The following MNS1 variants were observed in gnomAD, a reference collection of about 807,000 sequenced individuals.
MNS1 encodes meiosis specific nuclear structural 1, also known as meiosis-specific nuclear structural protein 1.
Under a neutral mutation model 72.0 loss-of-function variants are expected in MNS1, and 63 were observed. That is an observed-to-expected ratio of 0.87 (90% CI 0.71 to 1.08). The LOEUF (loss-of-function observed/expected upper bound fraction) is 1.08, where lower values mean the gene tolerates loss of function less well. Among genes scored for constraint, MNS1 ranks in the 50% least tolerant of loss-of-function variants. MNS1 has a pLI of 0.00. For synonymous variants in MNS1, 188 were observed against 172.1 expected, an observed-to-expected ratio of 1.09 and a Z score of -0.72; for missense variants, 604 against 562.4, an observed-to-expected ratio of 1.07 and a Z score of -0.75.
Position 56,444,572 on chromosome 15 carries a change from C to G in MNS1, c.558G>C (p.Gln186His). The change falls in exon 5 of 10, where the codon CAG becomes CAC. Residue 186 changes from glutamine (Q) to histidine (H), a missense_variant. Coordinates refer to ENST00000260453, the MANE Select transcript of MNS1 (RefSeq NM_018365.4). Reference sequence around the variant, plus strand: ...GTTGTTTCTCTAAGTCAAGATAGTACTGTGCTTTCGCTTTGTTTCGTTTGT... The same window carrying G: ...GTTGTTTCTCTAAGTCAAGATAGTAGTGTGCTTTCGCTTTGTTTCGTTTGT... ...AEDKRNKAKAQYYLDLEKQLE... is the reference protein window; with the variant it reads ...AEDKRNKAKAHYYLDLEKQLE... 6.2e-7 allele frequency: 1 copy of G among 1,612,752 alleles called. No homozygotes were observed. Among genetic ancestry groups the G allele is most frequent in the Non-Finnish European group, 8.5e-7 (1 of 1,179,412 alleles).
chr15:56,430,972 C>T (rs2050574739), intron 9 of MNS1, among the ~76,000 whole-genome samples: 1 of 152,054 alleles, frequency 6.6e-6, no homozygotes, highest in South Asian at 2.1e-4. Flanking sequence ...ACCAGCCTGG[C>T]CAACATAGCA....
At chr15:56,460,279 T>C (rs1479623125) in intron 2 of MNS1, among the ~76,000 whole-genome samples, 1 of 151,888 alleles carries the variant, frequency 6.6e-6, no homozygotes, top group Non-Finnish European at 1.5e-5. Context: ...AGGGGTCTTA[T>C]CTCTGGTGTC....
intron 7 of MNS1, among the ~76,000 whole-genome samples, chr15:56,435,847 T>C (rs1424338625): frequency 1.3e-5 from 2 of 151,926 alleles, no homozygotes; most frequent in Non-Finnish European, 2.9e-5. Context: ...GCTACCAATA[T>C]AAAAAATTAC....
At chr15:56,446,767 A>C (rs1464201911) in intron 4 of MNS1, 74 bp downstream of exon 4, 18 of 1,143,564 alleles carry the variant, frequency 1.6e-5, no homozygotes, top group Non-Finnish European at 2.3e-5. Flanking sequence ...ACAATATGAC[A>C]ATTTTTTAAG....
chr15:56,436,296 A>G (rs1344634028), intron 7 of MNS1, among the ~76,000 whole-genome samples: 6 of 152,226 alleles, frequency 3.9e-5, no homozygotes, highest in African/African-American at 1.4e-4. Flanking sequence ...CTCAGGATTA[A>G]GAAACTCACT....
At chr15:56,434,862 T>C (rs948089441) in intron 7 of MNS1, among the ~76,000 whole-genome samples, 3 of 152,096 alleles carry the variant, frequency 2.0e-5, no homozygotes, top group Admixed American at 6.6e-5. Context: ...ATTCCCTTCA[T>C]TCTCCAAAAT....
chr15:56,449,472 T>C (rs1331029139), intron 3 of MNS1, among the ~76,000 whole-genome samples: 4 of 152,216 alleles, frequency 2.6e-5, no homozygotes, highest in African/African-American at 7.2e-5. Flanking sequence ...GGATGATTTA[T>C]CTTTCTTATA....
chr15:56,452,636 AG>A (rs2050955357), intron 3 of MNS1, among the ~76,000 whole-genome samples: 1 of 151,162 alleles, frequency 6.6e-6, no homozygotes, highest in South Asian at 2.1e-4. Context: ...ATCCTGCCTC[AG>A]CCTCCCAAGT....
rs201845147 is a variant in MNS1 at position 56,431,521 on chromosome 15, G to C, written c.1270-23C>G. The C allele has an allele frequency of 5.0e-5, 81 of 1,612,404 alleles. 1 individual carries two copies. Among genetic ancestry groups the C allele is most frequent in the Non-Finnish European group, 8.5e-7 (1 of 1,179,494 alleles). ...TTGCTGGAAATGCAGATCAAATTTT[G>C]TTATCACAAAGTACATTAATCTTAT... On this transcript the variant is annotated intron_variant, in intron 8 of 9. Coordinates refer to ENST00000260453, the MANE Select transcript of MNS1 (RefSeq NM_018365.4).
chr15:56,454,277 T>C (rs770202702), intron 3 of MNS1, among the ~76,000 whole-genome samples: 20 of 152,186 alleles, frequency 1.3e-4, no homozygotes, highest in Non-Finnish European at 2.4e-4. Flanking sequence ...CATTTTGATA[T>C]AGGCATGCAA....
chr15:56,440,552 T>C (rs550627946), intron 7 of MNS1, among the ~76,000 whole-genome samples: 5 of 152,164 alleles, frequency 3.3e-5, no homozygotes, highest in East Asian at 1.9e-4. Flanking sequence ...GAGCTAAATA[T>C]TGGAAGCATT....
intron 1 of MNS1, 132 bp downstream of exon 1, chr15:56,464,838 C>A (rs138771225): frequency 1.5e-5 from 20 of 1,349,162 alleles, no homozygotes; most frequent in Non-Finnish European, 2.1e-5. Context: ...CTGAAGCCTC[C>A]GAAAGCAAAT....
At chr15:56,456,122 A>T (rs564092817) in intron 3 of MNS1, among the ~76,000 whole-genome samples, 19 of 152,256 alleles carry the variant, frequency 1.2e-4, no homozygotes, top group African/African-American at 3.8e-4. Context: ...TTAGGAATTC[A>T]TTTTTTATAA....
At chr15:56,452,679 C>T (rs529994407) in intron 3 of MNS1, among the ~76,000 whole-genome samples, 3 of 151,716 alleles carry the variant, frequency 2.0e-5, no homozygotes, top group East Asian at 1.9e-4. Flanking sequence ...CCACCAGGCC[C>T]GGCTAATTTT....
At chr15:56,462,678 A>G (rs1038536697) in intron 2 of MNS1, among the ~76,000 whole-genome samples, 5 of 152,266 alleles carry the variant, frequency 3.3e-5, no homozygotes, top group African/African-American at 9.6e-5. Context: ...TTAAACAGAC[A>G]TAACCACCAA....
At position 56,464,251 on chromosome 15, in the gene MNS1, C is replaced by T. The variant is rs1346208232; in HGVS notation, c.4-4G>A. On this transcript the variant is annotated splice_region_variant and splice_polypyrimidine_tract_variant and intron_variant, in intron 1 of 9. Coordinates refer to ENST00000260453, the MANE Select transcript of MNS1 (RefSeq NM_018365.4). The stretch of plus-strand genomic sequence containing the variant: ...TCAAATTTCTCCTTTTGGAACCCTA[C>T]GATGGAAGAAAAAAAAAGATGCATA... 3 of 1,563,104 alleles carry T rather than the reference C, an allele frequency of 1.9e-6. No individual in the cohort carries two copies. Among genetic ancestry groups the T allele is most frequent in the South Asian group, 1.2e-5 (1 of 84,448 alleles).
At chr15:56,460,009 A>AAAAAAAATATATATAT in intron 2 of MNS1, among the ~76,000 whole-genome samples, 3 of 26,386 alleles carry the variant, frequency 1.1e-4, no homozygotes, top group East Asian at 1.1e-3. Flanking sequence ...AAAAAAAAAA[A>AAAAAAAATATATATAT]ATACATATAT....
chr15:56,452,559 C>T (rs2050954721), intron 3 of MNS1, among the ~76,000 whole-genome samples: 1 of 150,920 alleles, frequency 6.6e-6, no homozygotes, highest in African/African-American at 2.4e-5. Context: ...CTCTCTGTCG[C>T]CCAGGCTGGA....
At position 56,465,064 on chromosome 15, in the gene MNS1, G is replaced by T; in HGVS notation, c.-92C>A. On this transcript the variant is annotated 5_prime_UTR_variant, in exon 1 of 10. Transcript: ENST00000260453. ...GCCAGCAGCCCCAAGGAGCGCACCT[G>T]GCTGCGCGCGCTCGGGTGTTTACGC... 6.5e-7 allele frequency: 1 copy of T among 1,537,822 alleles called. No homozygotes were observed. Among genetic ancestry groups the T allele is most frequent in the Non-Finnish European group, 8.8e-7 (1 of 1,137,466 alleles).
Sources: allele counts gnomAD v4.1 joint callset (sites outside exome capture counted in the v4.1 genomes callset), GRCh38; gene constraint gnomAD v4.1.1; transcripts MANE v1.5; gene names NCBI Gene and HGNC (gene_info 2026-07-23, HGNC 2026-07-21).